Variants in PLEKHA5 observed in about 807,000 individuals in gnomAD.
The protein encoded by PLEKHA5 is pleckstrin homology domain containing A5.
In PLEKHA5, 55 loss-of-function variants were observed where a neutral mutation model predicts 181.9. That is an observed-to-expected ratio of 0.30 (90% CI 0.24 to 0.38). The LOEUF (loss-of-function observed/expected upper bound fraction) is 0.38, where lower values mean the gene tolerates loss of function less well. Ranked by LOEUF, PLEKHA5 falls within the 10% of genes least tolerant of loss-of-function variation. The pLI, the probability that PLEKHA5 is intolerant of heterozygous loss-of-function variation, is 1.00. For missense variants in PLEKHA5, 1,432 were observed against 1,549.5 expected (o/e 0.92, Z 1.27); for synonymous variants, 535 against 529.4 (o/e 1.01, Z -0.15).
In PLEKHA5 at chr12:19,248,064, A is replaced by G. The variant is rs905351100; in HGVS notation, c.228-5876A>G. Among the ~76,000 whole-genome samples the G allele has an allele frequency of 5.9e-5, 9 of 151,696 alleles. No homozygotes were observed. In the East Asian group the frequency reaches 9.7e-4, roughly 16 times the overall value. On this transcript the variant is annotated intron_variant, in intron 3 of 31. Coordinates refer to ENST00000429027, the MANE Select transcript of PLEKHA5 (RefSeq NM_001256470.2). ...TCCTGCTTCAGCCTCCTAAGTAGCTATTTTAAAAATTAGGTGGGTGTGATG... is the reference window on the plus strand; with the variant it reads ...TCCTGCTTCAGCCTCCTAAGTAGCTGTTTTAAAAATTAGGTGGGTGTGATG...
chr12:19,270,490 G>A (rs2072316739), intron 10 of PLEKHA5, among the ~76,000 whole-genome samples: 1 of 152,036 alleles, frequency 6.6e-6, no homozygotes, highest in Admixed American at 6.6e-5. Flanking sequence ...ACTTCTTGGT[G>A]AATTGTACCT....
chr12:19,195,035 A>T (rs146365529), intron 3 of PLEKHA5, among the ~76,000 whole-genome samples: 2 of 151,268 alleles, frequency 1.3e-5, no homozygotes, highest in African/African-American at 4.8e-5. Flanking sequence ...ACATTTCAAA[A>T]ATGTTCTCAT....
chr12:19,193,577 T>C (rs1310876052), intron 3 of PLEKHA5, among the ~76,000 whole-genome samples: 1 of 152,106 alleles, frequency 6.6e-6, no homozygotes, highest in Non-Finnish European at 1.5e-5. Context: ...ATCAGGGCCT[T>C]CAGTGTGCAT....
At chr12:19,232,405 A>C (rs541797491) in intron 3 of PLEKHA5, among the ~76,000 whole-genome samples, 1 of 152,286 alleles carries the variant, frequency 6.6e-6, no homozygotes, top group East Asian at 1.9e-4. Flanking sequence ...ACTTGTGGCT[A>C]CTAATCTCGT....
chr12:19,365,223 C>T (rs892916351), intron 29 of PLEKHA5, among the ~76,000 whole-genome samples: 12 of 151,736 alleles, frequency 7.9e-5, no homozygotes, highest in African/African-American at 1.7e-4. Context: ...TACAAAAAGC[C>T]GGACGTGGTG....
At chr12:19,197,085 C>T (rs2052985443) in intron 3 of PLEKHA5, among the ~76,000 whole-genome samples, 1 of 152,114 alleles carries the variant, frequency 6.6e-6, no homozygotes, top group African/African-American at 2.4e-5. Context: ...CCCACTGACT[C>T]CACACTGCAC....
intron 3 of PLEKHA5, chr12:19,154,387 C>T (rs1194003022): frequency 6.6e-6 from 1 of 151,308 alleles, no homozygotes; most frequent in South Asian, 2.2e-4. Context: ...TCTTCTCTTC[C>T]TTGTTTTCTT....
At chr12:19,359,570 G>A (rs769662227) in intron 28 of PLEKHA5, 24 bp downstream of exon 28, 4 of 1,604,858 alleles carry the variant, frequency 2.5e-6, no homozygotes, top group South Asian at 1.1e-5. Flanking sequence ...TTTATGAAAG[G>A]TATTCCAAAG....
At chr12:19,313,511 C>G (rs1298366889) in intron 15 of PLEKHA5, among the ~76,000 whole-genome samples, 2 of 152,074 alleles carry the variant, frequency 1.3e-5, no homozygotes, top group Non-Finnish European at 2.9e-5. Flanking sequence ...TGGAAACATT[C>G]TGTATGTTTT....
intron 30 of PLEKHA5, among the ~76,000 whole-genome samples, chr12:19,368,371 A>G (rs889109085): frequency 6.6e-6 from 1 of 152,178 alleles, no homozygotes; most frequent in African/African-American, 2.4e-5. Flanking sequence ...GGATGGCACT[A>G]TAGACCCAGC....
chr12:19,133,787 A>G (rs891027996), intron 3 of PLEKHA5, among the ~76,000 whole-genome samples: 3 of 151,896 alleles, frequency 2.0e-5, no homozygotes, highest in African/African-American at 7.2e-5. Context: ...TTCTTTGGAG[A>G]TTATACTATA....
In PLEKHA5 at chr12:19,336,505, T is replaced by C; in HGVS notation, c.2449-10T>C. The C allele has an allele frequency of 1.4e-6, 2 of 1,440,576 alleles. No homozygotes were observed. The highest frequency in any genetic ancestry group is 1.9e-6 in the Non-Finnish European group (2 of 1,029,230). 89.2% of individuals were successfully genotyped at this position (1,440,576 alleles called of 1,614,324 possible). ...TCCCCATTAAAGTAATTAACACTTT[T>C]TGGTTTTAGGAATTGGAACGAGCAT... is the stretch of plus-strand genomic sequence containing the variant. On this transcript the variant is annotated splice_polypyrimidine_tract_variant and intron_variant, in intron 20 of 31. Coordinates refer to ENST00000429027, the MANE Select transcript of PLEKHA5 (RefSeq NM_001256470.2).
chr12:19,171,652 C>A (rs912462069), intron 3 of PLEKHA5, among the ~76,000 whole-genome samples: 1 of 152,090 alleles, frequency 6.6e-6, no homozygotes, highest in Non-Finnish European at 1.5e-5. Flanking sequence ...AGCCACCATG[C>A]CTGGCCCTTT....
rs187844220 is a variant in PLEKHA5 at position 19,336,508 on chromosome 12, G to A, written c.2449-7G>A. Reference sequence around the variant, plus strand: ...CCATTAAAGTAATTAACACTTTTTGGTTTTAGGAATTGGAACGAGCATGGA... The same window carrying A: ...CCATTAAAGTAATTAACACTTTTTGATTTTAGGAATTGGAACGAGCATGGA... On this transcript the variant is annotated splice_region_variant and splice_polypyrimidine_tract_variant and intron_variant, in intron 20 of 31. Transcript: ENST00000429027. 41 of 1,516,954 alleles carry A rather than the reference G, an allele frequency of 2.7e-5. No individual in the cohort carries two copies. The highest frequency in any genetic ancestry group is 3.6e-5 in the Non-Finnish European group (40 of 1,099,260). The allele number at this position is 1,516,954 out of a possible 1,614,324, so 94.0% of individuals were successfully genotyped here.
At chr12:19,288,947 TAGTC>T (rs1242405940) in intron 13 of PLEKHA5, among the ~76,000 whole-genome samples, 5 of 152,230 alleles carry the variant, frequency 3.3e-5, no homozygotes, top group Non-Finnish European at 7.3e-5. Flanking sequence ...GAAAATCTCT[TAGTC>T]TGTTTAGCTC....
Position 19,361,559 on chromosome 12 carries a change from A to G in PLEKHA5, c.3484-23A>G, listed in dbSNP as rs1276527579. 3.3e-6 allele frequency: 4 copies of G among 1,214,024 alleles called. No homozygotes were observed. In the African/African-American group the frequency reaches 6.2e-5, roughly 19 times the overall value. 75.2% of individuals were successfully genotyped at this position (1,214,024 alleles called of 1,614,324 possible). On this transcript the variant is annotated intron_variant, in intron 28 of 31. Transcript: ENST00000429027. ...ATGTGATAAGAATTCTTTGAAAAGA[A>G]AATTTTTCTTTTTATTCTACAGTTA...
chr12:19,364,950 G>A (rs1237534647), intron 29 of PLEKHA5, among the ~76,000 whole-genome samples: 3 of 152,054 alleles, frequency 2.0e-5, no homozygotes, highest in Non-Finnish European at 4.4e-5. Flanking sequence ...GTGAGCCACC[G>A]CGCTCAGCCA....
intron 3 of PLEKHA5, chr12:19,200,392 C>T: frequency 6.6e-7 from 1 of 1,523,758 alleles, no homozygotes; most frequent in Non-Finnish European, 8.8e-7. Flanking sequence ...TATCTGTATG[C>T]AGGCCTATGA....
At chr12:19,145,369 T>G (rs2038643228) in intron 3 of PLEKHA5, among the ~76,000 whole-genome samples, 1 of 152,156 alleles carries the variant, frequency 6.6e-6, no homozygotes, top group Admixed American at 6.5e-5. Context: ...CCTGATGCAG[T>G]AAAGTCCTCT....
Sources: allele counts gnomAD v4.1 joint callset (sites outside exome capture counted in the v4.1 genomes callset), GRCh38; gene constraint gnomAD v4.1.1; transcripts MANE v1.5; gene names NCBI Gene and HGNC (gene_info 2026-07-23, HGNC 2026-07-21).